The following MDGA2 variants were observed in gnomAD, a reference collection of about 807,000 sequenced individuals.
The protein encoded by MDGA2 is MAM domain containing glycosylphosphatidylinositol anchor 2.
In MDGA2, 40 loss-of-function variants were observed where a neutral mutation model predicts 117.8. The ratio of observed to expected loss-of-function variants is 0.34; its 90% CI spans 0.26 to 0.44. The LOEUF is 0.44. Ranked by LOEUF, MDGA2 falls within the 20% of genes least tolerant of loss-of-function variation. The pLI, the probability that MDGA2 is intolerant of heterozygous loss-of-function variation, is 1.00. For synonymous variants in MDGA2, 452 were observed against 439.0 expected (o/e 1.03, Z -0.37); for missense variants, 1,123 against 1,250.6 (o/e 0.90, Z 1.54).
intron 1 of MDGA2, among the ~76,000 whole-genome samples, chr14:47,470,859 G>A (rs1893710546): frequency 6.6e-6 from 1 of 152,178 alleles, no homozygotes; most frequent in Admixed American, 6.6e-5. Flanking sequence ...AAGCACGGAA[G>A]TGATGCTGAT....
chr14:47,379,230 G>A (rs1891550868), intron 1 of MDGA2, among the ~76,000 whole-genome samples: 1 of 152,190 alleles, frequency 6.6e-6, no homozygotes. Context: ...AACATGGAAA[G>A]GAACAACTGG....
At chr14:47,260,167 T>G (rs1461088087) in intron 2 of MDGA2, among the ~76,000 whole-genome samples, 1 of 152,038 alleles carries the variant, frequency 6.6e-6, no homozygotes, top group Non-Finnish European at 1.5e-5. Context: ...AAAACTGACC[T>G]GCCTGGAGAA....
chr14:47,041,518 T>C (rs1889068424), intron 7 of MDGA2, among the ~76,000 whole-genome samples: 2 of 152,068 alleles, frequency 1.3e-5, no homozygotes, highest in African/African-American at 2.4e-5. Flanking sequence ...AGTATATATG[T>C]GTATATAGTC....
At chr14:47,292,172 T>C (rs1324356361) in intron 2 of MDGA2, among the ~76,000 whole-genome samples, 15 of 152,214 alleles carry the variant, frequency 9.9e-5, no homozygotes, top group Non-Finnish European at 2.1e-4. Context: ...AATAGATGCA[T>C]GATGGAGACT....
chr14:46,964,919 C>CTTTTTTTTTTTTTTTT (rs746778179), intron 8 of MDGA2, among the ~76,000 whole-genome samples: 9 of 89,790 alleles, frequency 1.0e-4, no homozygotes, highest in African/African-American at 3.7e-4. Context: ...TATATATTTA[C>CTTTTTTTTTTTTTTTT]TTTTTTTTTT....
intron 6 of MDGA2, among the ~76,000 whole-genome samples, chr14:47,068,240 G>A (rs1366819261): frequency 6.6e-6 from 1 of 151,936 alleles, no homozygotes. Context: ...CAGCAGGTAA[G>A]CATTTTGGGT....
At chr14:47,218,976 C>CA (rs1566686485) in intron 2 of MDGA2, among the ~76,000 whole-genome samples, 1 of 152,032 alleles carries the variant, frequency 6.6e-6, no homozygotes, top group East Asian at 1.9e-4. Flanking sequence ...TTCAACTCAA[C>CA]TTTTGTGTAT....
At chr14:47,318,561 T>C (rs528938606) in intron 1 of MDGA2, among the ~76,000 whole-genome samples, 26 of 152,236 alleles carry the variant, frequency 1.7e-4, no homozygotes, top group South Asian at 1.4e-3. Flanking sequence ...TACACACATA[T>C]CTGTGATTGT....
intron 3 of MDGA2, chr14:47,200,616 T>C (rs932141561): frequency 1.0e-5 from 13 of 1,294,248 alleles, no homozygotes; most frequent in Middle Eastern, 5.1e-4. Flanking sequence ...TCTGTATATT[T>C]GTCAATTTTC....
In MDGA2 at chr14:47,072,792, G is replaced by C. The variant is rs78830887; in HGVS notation, c.1196-11214C>G. Among the ~76,000 whole-genome samples the C allele has an allele frequency of 1.1e-3, 163 of 152,202 alleles. 1 individual carries two copies. Among genetic ancestry groups the C allele is most frequent in the Non-Finnish European group, 1.9e-3 (126 of 68,026 alleles). On this transcript the variant is annotated intron_variant, in intron 6 of 16. Coordinates refer to ENST00000399232, the MANE Select transcript of MDGA2 (RefSeq NM_001113498.3). ...GCCATCCTTTAGAAATACAGGGCTC[G>C]AACAGAGAAGGCAGGTCATCAGCTC...
intron 3 of MDGA2, among the ~76,000 whole-genome samples, chr14:47,193,064 G>C (rs1594711522): frequency 8.0e-6 from 1 of 125,440 alleles, no homozygotes; most frequent in African/African-American, 3.3e-5. Context: ...TTATTCTTAA[G>C]TTATTTGGTG....
intron 10 of MDGA2, among the ~76,000 whole-genome samples, chr14:46,893,722 G>A (rs1009367082): frequency 1.3e-5 from 2 of 151,866 alleles, no homozygotes; most frequent in Admixed American, 6.6e-5. Context: ...CAATTTTGAC[G>A]ACTACATTAT....
In MDGA2 at chr14:47,119,618, G is replaced by T. The variant is rs1342645602; in HGVS notation, c.925+12096C>A. 2.0e-5 allele frequency among the ~76,000 whole-genome samples: 3 copies of T among 152,176 alleles called. No homozygotes were observed. The South Asian group carries it at 6.2e-4, about 32-fold the overall frequency. ...AAAAAACAAAGCCACTAACATTACG[G>T]CTTTCTTCACATTGAACTAAGTTTA... On this transcript the variant is annotated intron_variant, in intron 5 of 16. Coordinates refer to ENST00000399232, the MANE Select transcript of MDGA2 (RefSeq NM_001113498.3).
At chr14:47,237,529 T>C (rs1270028468) in intron 2 of MDGA2, among the ~76,000 whole-genome samples, 1 of 152,188 alleles carries the variant, frequency 6.6e-6, no homozygotes, top group East Asian at 1.9e-4. Context: ...CAAGATATTC[T>C]TTCTGGAATG....
At chr14:46,974,496 T>C (rs1438000633) in intron 8 of MDGA2, among the ~76,000 whole-genome samples, 11 of 152,064 alleles carry the variant, frequency 7.2e-5, no homozygotes, top group Admixed American at 7.2e-4. Flanking sequence ...GCTCCAGCAA[T>C]CAAAACAGCG....
chr14:47,201,556 A>T (rs1034982859), intron 3 of MDGA2, among the ~76,000 whole-genome samples: 3 of 152,170 alleles, frequency 2.0e-5, no homozygotes, highest in African/African-American at 7.2e-5. Flanking sequence ...TATGTTTCAC[A>T]ATACTTGTCT....
At chr14:47,016,269 G>A (rs529006759) in intron 8 of MDGA2, among the ~76,000 whole-genome samples, 2 of 152,024 alleles carry the variant, frequency 1.3e-5, no homozygotes, top group Non-Finnish European at 2.9e-5. Flanking sequence ...GGATTGCTCT[G>A]AAGAGTAACA....
intron 1 of MDGA2, among the ~76,000 whole-genome samples, chr14:47,463,009 T>G (rs1012454636): frequency 1.7e-4 from 26 of 150,998 alleles, no homozygotes; most frequent in Non-Finnish European, 2.8e-4. Flanking sequence ...AAAGAAATCT[T>G]TGTGTGTGTG....
chr14:47,258,708 T>C lies in MDGA2; in HGVS notation c.421-40513A>G, dbSNP rs183203351. On this transcript the variant is annotated intron_variant, in intron 2 of 16. Transcript: ENST00000399232. ...GTGAAAAGTATTTATTGGAAATGCA[T>C]CTGTTAATCAGATGGATGAGGCTAT... Among the ~76,000 whole-genome samples the C allele has an allele frequency of 4.0e-3, 556 of 139,126 alleles. 6 individuals carry two copies. Among genetic ancestry groups the C allele is most frequent in the African/African-American group, 0.015 (533 of 36,182 alleles). 91.3% of individuals were successfully genotyped at this position (139,126 alleles called of 152,430 possible). A position where few individuals can be genotyped will look rare whatever the true frequency, so the allele number is the denominator to read the frequency against.
Sources: allele counts gnomAD v4.1 joint callset (sites outside exome capture counted in the v4.1 genomes callset), GRCh38; gene constraint gnomAD v4.1.1; transcripts MANE v1.5; gene names NCBI Gene and HGNC (gene_info 2026-07-23, HGNC 2026-07-21).